Variants in AIG1 observed in about 807,000 individuals in gnomAD.
AIG1 encodes androgen induced 1, also known as androgen-induced gene 1 protein.
A neutral mutation model predicts 31.4 loss-of-function variants in AIG1; 23 were observed. That is an observed-to-expected ratio of 0.73 (90% CI 0.53 to 1.04). The LOEUF (loss-of-function observed/expected upper bound fraction) is 1.04. AIG1 is among the 50% of genes least tolerant of loss of function. The probability of loss-of-function intolerance (pLI) is 0.00; values close to 1 mark genes in which losing one functional copy is unlikely to be tolerated. For synonymous variants in AIG1, 100 were observed against 110.5 expected (o/e 0.90, Z 0.60); for missense variants, 274 against 295.0 (o/e 0.93, Z 0.52).
intron 3 of AIG1, among the ~76,000 whole-genome samples, chr6:143,219,667 A>C (rs1406670923): frequency 6.6e-6 from 1 of 152,204 alleles, no homozygotes; most frequent in South Asian, 2.1e-4. Flanking sequence ...TCCACTACTC[A>C]GGGCTTCAAG....
rs533774462 is a variant in AIG1 at position 143,297,102 on chromosome 6, T to C, written c.515+12877T>C. ...ATAACTGCTATTTGCAAGAGGAAAA[T>C]AGAGTCTACGGAAGGTTCTCTAACC... is the stretch of plus-strand genomic sequence containing the variant. On this transcript the variant is annotated intron_variant, in intron 4 of 5. Transcript: ENST00000357847. This position sits in a 1 kb window ranked among gnomAD's most constrained non-coding sequence, Gnocchi z 5.1. Among the ~76,000 whole-genome samples the C allele has an allele frequency of 6.7e-6, 1 of 149,368 alleles. No homozygotes were observed. Among genetic ancestry groups the C allele is most frequent in the South Asian group, 2.1e-4 (1 of 4,724 alleles).
At chr6:143,229,942 G>T (rs1793318190) in intron 3 of AIG1, among the ~76,000 whole-genome samples, 1 of 152,022 alleles carries the variant, frequency 6.6e-6, no homozygotes, top group African/African-American at 2.4e-5. Context: ...ACATTTCATG[G>T]TCTTATTGTC....
intron 2 of AIG1, among the ~76,000 whole-genome samples, chr6:143,138,917 C>G (rs1449087977): frequency 7.0e-6 from 1 of 143,670 alleles, no homozygotes; most frequent in African/African-American, 2.6e-5. Context: ...AAAAAGTAAA[C>G]ATGAGTATAG....
At chr6:143,311,462 C>G (rs1313868184) in intron 4 of AIG1, among the ~76,000 whole-genome samples, 1 of 151,644 alleles carries the variant, frequency 6.6e-6, no homozygotes, top group Non-Finnish European at 1.5e-5. Context: ...AATTATTCAC[C>G]AAAACCAAGT....
intron 1 of AIG1, among the ~76,000 whole-genome samples, chr6:143,102,133 A>G (rs1401048955): frequency 6.6e-6 from 1 of 152,076 alleles, no homozygotes; most frequent in East Asian, 1.9e-4. Flanking sequence ...CTTAAAATAT[A>G]AATATTTTAT....
chr6:143,137,666 A>T (rs1266307359), intron 2 of AIG1, among the ~76,000 whole-genome samples: 1 of 152,208 alleles, frequency 6.6e-6, no homozygotes, highest in East Asian at 1.9e-4. Flanking sequence ...GTTTTCAGTT[A>T]GATTCTCTTC....
intron 2 of AIG1, among the ~76,000 whole-genome samples, chr6:143,138,163 C>G (rs1783922723): frequency 6.6e-6 from 1 of 152,194 alleles, no homozygotes; most frequent in Non-Finnish European, 1.5e-5. Context: ...TTTGTTGACA[C>G]TCCTCATTCC....
At chr6:143,153,698 T>C (rs1053239732) in intron 2 of AIG1, among the ~76,000 whole-genome samples, 3 of 152,122 alleles carry the variant, frequency 2.0e-5, no homozygotes, top group Non-Finnish European at 4.4e-5. Context: ...GCTGCTACCC[T>C]GTGGCCTTGT....
intron 3 of AIG1, among the ~76,000 whole-genome samples, chr6:143,198,805 A>C (rs951180867): frequency 6.6e-6 from 1 of 152,194 alleles, no homozygotes; most frequent in Non-Finnish European, 1.5e-5. Flanking sequence ...TTTGCTCCCA[A>C]AAGTTGCAGG....
chr6:143,292,162 CA>C lies in AIG1; in HGVS notation c.515+7941del, dbSNP rs1309877913. Among the ~76,000 whole-genome samples, 2 of 152,132 alleles carry C rather than the reference CA, an allele frequency of 1.3e-5. No homozygotes were observed. Among genetic ancestry groups the C allele is most frequent in the Non-Finnish European group, 2.9e-5 (2 of 68,024 alleles). ...TAATGTTTAACCTTGGTATGGAAGG[CA>C]AAATAATGCTCACCACAAGCCCCCA... On this transcript the variant is annotated intron_variant, in intron 4 of 5. Transcript: ENST00000357847. The surrounding 1 kb of genome is among the most constrained non-coding windows in gnomAD (Gnocchi z 4.9).
intron 2 of AIG1, among the ~76,000 whole-genome samples, chr6:143,138,587 A>G (rs915654968): frequency 6.6e-6 from 1 of 152,180 alleles, no homozygotes; most frequent in African/African-American, 2.4e-5. Context: ...TAGAAGGATT[A>G]CAATAGTAAT....
At chr6:143,224,220 C>T (rs898781934) in intron 3 of AIG1, among the ~76,000 whole-genome samples, 1 of 152,222 alleles carries the variant, frequency 6.6e-6, no homozygotes, top group Non-Finnish European at 1.5e-5. Flanking sequence ...AATGTCTTTC[C>T]AGCGCCTTAA....
intron 2 of AIG1, 73 bp downstream of exon 2, chr6:143,137,063 A>G: frequency 1.5e-6 from 2 of 1,304,746 alleles, no homozygotes; most frequent in Non-Finnish European, 9.9e-7. Flanking sequence ...AGAGAAAAAA[A>G]AAGAGTTCAT....
At chr6:143,150,734 G>C (rs1225333742) in intron 2 of AIG1, among the ~76,000 whole-genome samples, 1 of 151,942 alleles carries the variant, frequency 6.6e-6, no homozygotes, top group East Asian at 1.9e-4. Flanking sequence ...AAGCTCATGG[G>C]GGAAAAAAAT....
intron 1 of AIG1, among the ~76,000 whole-genome samples, chr6:143,085,175 A>C (rs773890379): frequency 6.6e-6 from 1 of 152,054 alleles, no homozygotes; most frequent in Non-Finnish European, 1.5e-5. Flanking sequence ...AGGTACATGC[A>C]CTCTGACTGG....
At chr6:143,154,853 C>G (rs539912239) in intron 2 of AIG1, among the ~76,000 whole-genome samples, 2 of 151,600 alleles carry the variant, frequency 1.3e-5, no homozygotes, top group East Asian at 3.9e-4. Flanking sequence ...TGTTGTTGTT[C>G]TGTTTTGTTT....
chr6:143,242,163 A>G (rs1794287527), intron 3 of AIG1, among the ~76,000 whole-genome samples: 1 of 152,186 alleles, frequency 6.6e-6, no homozygotes, highest in Non-Finnish European at 1.5e-5. Flanking sequence ...TGTAAGGAGA[A>G]GTTATCCTCA....
intron 3 of AIG1, among the ~76,000 whole-genome samples, chr6:143,220,061 A>G (rs185391610): frequency 3.3e-5 from 5 of 152,104 alleles, no homozygotes; most frequent in African/African-American, 4.8e-5. Context: ...GCTCATGCCA[A>G]CCCACTTGAG....
Position 143,289,160 on chromosome 6 carries a change from G to A in AIG1, c.515+4935G>A, listed in dbSNP as rs1241005. On this transcript the variant is annotated intron_variant, in intron 4 of 5. Transcript: ENST00000357847. Reference sequence around the variant, plus strand: ...CCAGGAAGGTCCTGGCTGTATTAATGGAGACTCTCTACAAATGCAAAGATC... The same window carrying A: ...CCAGGAAGGTCCTGGCTGTATTAATAGAGACTCTCTACAAATGCAAAGATC... Among the ~76,000 whole-genome samples, 499 of 152,210 alleles carry A rather than the reference G, an allele frequency of 3.3e-3. 1 individual carries two copies. Among genetic ancestry groups the A allele is most frequent in the Non-Finnish European group, 4.8e-3 (324 of 68,014 alleles).
Sources: allele counts gnomAD v4.1 joint callset (sites outside exome capture counted in the v4.1 genomes callset), GRCh38; gene constraint gnomAD v4.1.1; non-coding constraint Gnocchi (gnomAD v3.1); transcripts MANE v1.5; gene names NCBI Gene and HGNC (gene_info 2026-07-23, HGNC 2026-07-21).